The following PTPRD variants were observed in gnomAD, a reference collection of about 807,000 sequenced individuals.
PTPRD encodes the protein protein tyrosine phosphatase receptor type D, also known as receptor-type tyrosine-protein phosphatase delta.
Under a neutral mutation model 214.5 loss-of-function variants are expected in PTPRD, and 34 were observed. The ratio of observed to expected loss-of-function variants is 0.16; its 90% confidence interval spans 0.12 to 0.21. PTPRD has a LOEUF of 0.21. Among genes scored for constraint, PTPRD ranks in the 10% least tolerant of loss-of-function variants. PTPRD has a pLI of 1.00. For synonymous variants in PTPRD, 1,128 were observed against 845.7 expected (o/e 1.33, Z -5.79); for missense variants, 2,545 against 2,398.7 (o/e 1.06, Z -1.27).
intron 10 of PTPRD, among the ~76,000 whole-genome samples, chr9:9,110,427 G>C (rs1377519342): frequency 6.6e-6 from 1 of 152,124 alleles, no homozygotes; most frequent in Non-Finnish European, 1.5e-5. Context: ...TGGTGACTCT[G>C]TTGCACACAA....
At chr9:8,712,866 C>T (rs934164559) in intron 12 of PTPRD, among the ~76,000 whole-genome samples, 1 of 151,966 alleles carries the variant, frequency 6.6e-6, no homozygotes, top group South Asian at 2.1e-4. Context: ...CCACAGGCAC[C>T]CGCCACCACG....
intron 3 of PTPRD, among the ~76,000 whole-genome samples, chr9:10,078,838 A>G (rs760360295): frequency 5.9e-5 from 9 of 151,980 alleles, no homozygotes; most frequent in Non-Finnish European, 1.0e-4. Context: ...AGATTGTTTT[A>G]GTGTTTTCCC....
At chr9:8,867,531 G>C (rs2098220390) in intron 11 of PTPRD, among the ~76,000 whole-genome samples, 1 of 152,166 alleles carries the variant, frequency 6.6e-6, no homozygotes, top group African/African-American at 2.4e-5. Context: ...CAGGACAACT[G>C]TTTTATTTTT....
intron 6 of PTPRD, among the ~76,000 whole-genome samples, chr9:9,751,398 C>A (rs945473946): frequency 1.3e-5 from 2 of 152,014 alleles, no homozygotes; most frequent in African/African-American, 4.8e-5. Flanking sequence ...AACATTAGAA[C>A]CTGAGTTAAC....
chr9:9,663,960 A>T (rs748905357), intron 7 of PTPRD, among the ~76,000 whole-genome samples: 2 of 151,342 alleles, frequency 1.3e-5, no homozygotes, highest in African/African-American at 2.4e-5. Flanking sequence ...ATAGAAATTC[A>T]TCCTATATAA....
chr9:8,688,107 G>T (rs2097721729), intron 12 of PTPRD, among the ~76,000 whole-genome samples: 1 of 152,240 alleles, frequency 6.6e-6, no homozygotes, highest in Admixed American at 6.5e-5. Context: ...CCACTTACTT[G>T]GCGAGTGATC....
At chr9:9,702,445 T>G (rs187915246) in intron 7 of PTPRD, among the ~76,000 whole-genome samples, 1 of 152,208 alleles carries the variant, frequency 6.6e-6, no homozygotes, top group African/African-American at 2.4e-5. Context: ...ACAAATAGAC[T>G]CAGAAAATCC....
intron 7 of PTPRD, among the ~76,000 whole-genome samples, chr9:9,651,209 GC>G (rs1380274501): frequency 6.6e-6 from 1 of 152,016 alleles, no homozygotes; most frequent in Non-Finnish European, 1.5e-5. Flanking sequence ...TTGGCTGTGT[GC>G]ATTTAACCTT....
At chr9:8,701,442 C>G (rs2154395361) in intron 12 of PTPRD, 1 of 152,290 alleles carries the variant, frequency 6.6e-6, no homozygotes, top group Middle Eastern at 3.4e-3. Flanking sequence ...CGAAACCAGC[C>G]TGACCAACAT....
intron 11 of PTPRD, among the ~76,000 whole-genome samples, chr9:9,013,889 A>C (rs2099522230): frequency 6.6e-6 from 1 of 152,124 alleles, no homozygotes. Context: ...ATCAACGTGC[A>C]AGGTGAGGTT....
chr9:8,439,810 A>G (rs916961365), intron 34 of PTPRD, among the ~76,000 whole-genome samples: 1 of 149,378 alleles, frequency 6.7e-6, no homozygotes, highest in African/African-American at 2.4e-5. Flanking sequence ...TAAGAAAACT[A>G]TGAATTTGAC....
chr9:9,719,237 G>T (rs2097891032), intron 7 of PTPRD, among the ~76,000 whole-genome samples: 1 of 152,154 alleles, frequency 6.6e-6, no homozygotes, highest in African/African-American at 2.4e-5. Flanking sequence ...TCTGCTGAGA[G>T]CTGTGCTGTC....
chr9:9,948,504 G>A (rs999087788), intron 4 of PTPRD, among the ~76,000 whole-genome samples: 8 of 152,020 alleles, frequency 5.3e-5, no homozygotes, highest in Non-Finnish European at 1.0e-4. Context: ...AGACATAAAG[G>A]ATAATAAAAG....
rs182763931 is a variant in PTPRD at position 8,599,685 on chromosome 9, G to A, written c.352+33632C>T. 5.7e-5 allele frequency among the ~76,000 whole-genome samples: 8 copies of A among 140,610 alleles called. 1 individual carries two copies. In the South Asian group the frequency reaches 9.1e-4, roughly 16 times the overall value. 92.2% of individuals were successfully genotyped at this position (140,610 alleles called of 152,430 possible). On this transcript the variant is annotated intron_variant, in intron 14 of 45. Coordinates refer to ENST00000381196, the MANE Select transcript of PTPRD (RefSeq NM_002839.4). ...GTTGCCCAGGCTGGAGTGCAACGGC[G>A]CGATCACTGCAACCTCCGCCTCCTG...
intron 11 of PTPRD, among the ~76,000 whole-genome samples, chr9:8,839,330 T>G (rs1412340004): frequency 6.6e-6 from 1 of 152,048 alleles, no homozygotes; most frequent in East Asian, 1.9e-4. Context: ...ATTTATTTAT[T>G]TATTTATTTA....
At chr9:9,147,614 T>C (rs72694998) in intron 10 of PTPRD, among the ~76,000 whole-genome samples, 17,559 of 152,152 alleles carry the variant, frequency 0.12, 2,006 homozygotes, top group African/African-American at 0.29. Context: ...AACACAGCCA[T>C]AATTATTTGT....
At chr9:9,603,120 A>G (rs892094729) in intron 7 of PTPRD, among the ~76,000 whole-genome samples, 1 of 152,170 alleles carries the variant, frequency 6.6e-6, no homozygotes, top group Non-Finnish European at 1.5e-5. Flanking sequence ...CTAGAAGGAA[A>G]TAAGAATGGG....
At chr9:9,516,374 C>T (rs186830792) in intron 8 of PTPRD, among the ~76,000 whole-genome samples, 22 of 152,092 alleles carry the variant, frequency 1.4e-4, no homozygotes, top group Admixed American at 1.4e-3. Context: ...ATGACAGCCT[C>T]TACGTTGTGT....
intron 3 of PTPRD, among the ~76,000 whole-genome samples, chr9:10,274,698 T>C (rs1034818296): frequency 2.0e-5 from 3 of 152,294 alleles, no homozygotes; most frequent in South Asian, 2.1e-4. Context: ...TCATTCCTCC[T>C]ATTGTGTGGT....
Sources: gnomAD v4.1 joint callset for allele counts (sites outside exome capture counted in the v4.1 genomes callset) on GRCh38, gnomAD v4.1.1 for gene constraint, MANE v1.5 for transcripts, NCBI Gene and HGNC (gene_info 2026-07-23, HGNC 2026-07-21) for gene names.